The following EYA2 variants were observed in gnomAD, a reference collection of about 807,000 sequenced individuals.
The protein encoded by EYA2 is protein phosphatase EYA2.
EYA2 carries 31 observed loss-of-function variants against 69.2 expected under a neutral mutation model. The ratio of observed to expected loss-of-function variants is 0.45; its 90% confidence interval spans 0.34 to 0.60. EYA2 has a LOEUF of 0.60. Ranked by LOEUF, EYA2 falls within the 20% of genes least tolerant of loss-of-function variation. The pLI is 0.02. For synonymous variants in EYA2, 257 were observed against 279.4 expected, an observed-to-expected ratio of 0.92 and a Z score of 0.80; for missense variants, 622 against 701.2, an observed-to-expected ratio of 0.89 and a Z score of 1.28.
At chr20:46,976,109 C>A (rs1392966557) in intron 1 of EYA2, among the ~76,000 whole-genome samples, 1 of 152,154 alleles carries the variant, frequency 6.6e-6, no homozygotes, top group Non-Finnish European at 1.5e-5. Context: ...GCCTGTAATC[C>A]CTGCACCTCG....
At chr20:47,004,900 C>A (rs1365533308) in intron 3 of EYA2, 42 bp from the exon 4 acceptor site, 1 of 1,613,876 alleles carries the variant, frequency 6.2e-7, no homozygotes, top group Admixed American at 1.7e-5. Context: ...GAAGGGGTGC[C>A]AGACTGGGCC....
chr20:46,959,285 A>G (rs1979324066), intron 1 of EYA2, among the ~76,000 whole-genome samples: 1 of 152,192 alleles, frequency 6.6e-6, no homozygotes, highest in South Asian at 2.1e-4. Context: ...CCTTCCCCTT[A>G]GTTCAGAGTC....
chr20:47,077,818 A>G (rs2031570995), intron 7 of EYA2, among the ~76,000 whole-genome samples: 2 of 152,184 alleles, frequency 1.3e-5, no homozygotes, highest in Admixed American at 6.5e-5. Context: ...AAGTTTAACA[A>G]AGTTTTTCTC....
At chr20:47,042,292 A>G (rs1051414475) in intron 5 of EYA2, among the ~76,000 whole-genome samples, 1 of 152,178 alleles carries the variant, frequency 6.6e-6, no homozygotes, top group Non-Finnish European at 1.5e-5. Flanking sequence ...AGTTGGACCC[A>G]AGCCGTCTAA....
chr20:47,012,848 A>T (rs1191623361), intron 4 of EYA2, among the ~76,000 whole-genome samples: 1 of 152,192 alleles, frequency 6.6e-6, no homozygotes, highest in Admixed American at 6.5e-5. Context: ...ATGGCCTTAG[A>T]TGTCAGAACA....
intron 10 of EYA2, among the ~76,000 whole-genome samples, chr20:47,147,658 C>A (rs1181276648): frequency 6.6e-6 from 1 of 152,152 alleles, no homozygotes; most frequent in Non-Finnish European, 1.5e-5. Context: ...CTGCCTCTGG[C>A]TGCCTGGTGG....
chr20:47,127,698 C>T (rs2033232497), intron 9 of EYA2, among the ~76,000 whole-genome samples: 1 of 152,218 alleles, frequency 6.6e-6, no homozygotes, highest in African/African-American at 2.4e-5. Flanking sequence ...TCCCCAAGGG[C>T]TCAGAGCTGT....
At chr20:47,102,715 A>G (rs539521553) in intron 9 of EYA2, among the ~76,000 whole-genome samples, 1 of 152,048 alleles carries the variant, frequency 6.6e-6, no homozygotes, top group East Asian at 1.9e-4. Context: ...CTTCCTTTCC[A>G]TTTCTTCCTC....
chr20:47,090,599 A>G (rs2032054689), intron 8 of EYA2, among the ~76,000 whole-genome samples: 1 of 152,052 alleles, frequency 6.6e-6, no homozygotes. Context: ...GGATACATAC[A>G]GATAGTAAGA....
At chr20:47,001,395 A>G (rs749573033) in intron 2 of EYA2, 33 bp from the exon 3 acceptor site, 1 of 1,609,130 alleles carries the variant, frequency 6.2e-7, no homozygotes, top group East Asian at 2.2e-5. Flanking sequence ...CCTAATCGCT[A>G]AAACTCTTCC....
At chr20:47,157,157 C>T (rs1318151459) in intron 10 of EYA2, among the ~76,000 whole-genome samples, 2 of 151,536 alleles carry the variant, frequency 1.3e-5, no homozygotes, top group African/African-American at 2.4e-5. Flanking sequence ...GAGTTCGAGA[C>T]CAGACTGGCC....
rs535298146 is a variant in EYA2, at chr20:46,999,741, A to G, written c.110-1687A>G. Among the ~76,000 whole-genome samples the G allele has an allele frequency of 6.8e-4, 103 of 152,274 alleles. 1 individual carries two copies. Among genetic ancestry groups the G allele is most frequent in the African/African-American group, 2.5e-3 (102 of 41,542 alleles). On this transcript the variant is annotated intron_variant, in intron 2 of 15. Transcript: ENST00000327619. ...GCTCAGCCAGGGGGAGGGCATTAAG[A>G]GTGTTGACCTTGGACTCACACAGCT...
At chr20:47,123,723 G>A (rs6066208) in intron 9 of EYA2, among the ~76,000 whole-genome samples, 64,936 of 151,998 alleles carry the variant, frequency 0.43, 15,375 homozygotes, top group East Asian at 0.62. Context: ...GGGTACGGTG[G>A]CTCACGCCTG....
chr20:47,179,993 G>C (rs1383581444), intron 13 of EYA2, 81 bp downstream of exon 13: 1 of 961,972 alleles, frequency 1.0e-6, no homozygotes, highest in African/African-American at 1.6e-5. Flanking sequence ...GTCCACACTT[G>C]GGAGAATTGG....
intron 10 of EYA2, among the ~76,000 whole-genome samples, chr20:47,164,261 G>A (rs868405912): frequency 3.3e-5 from 5 of 152,286 alleles, no homozygotes; most frequent in Middle Eastern, 3.4e-3. Flanking sequence ...ATGAGGTAGC[G>A]TCTAGCTGAG....
intron 1 of EYA2, among the ~76,000 whole-genome samples, chr20:46,988,325 T>C (rs1367401017): frequency 6.6e-6 from 1 of 151,978 alleles, no homozygotes; most frequent in African/African-American, 2.4e-5. Context: ...TTTTTTTACA[T>C]GAATCATCTT....
intron 1 of EYA2, among the ~76,000 whole-genome samples, chr20:46,958,580 C>T (rs1254809688): frequency 2.0e-5 from 3 of 152,026 alleles, no homozygotes; most frequent in African/African-American, 7.3e-5. Flanking sequence ...TTCAGGGGTA[C>T]GTGTGCAGGT....
chr20:47,081,871 G>A (rs547283495), intron 7 of EYA2, among the ~76,000 whole-genome samples: 3 of 151,500 alleles, frequency 2.0e-5, no homozygotes, highest in South Asian at 2.1e-4. Context: ...ACAGAGTCTC[G>A]ATCTGTCGCC....
At chr20:47,067,122 G>C (rs1030795092) in intron 5 of EYA2, among the ~76,000 whole-genome samples, 1 of 152,212 alleles carries the variant, frequency 6.6e-6, no homozygotes, top group African/African-American at 2.4e-5. Flanking sequence ...GACTATTTTG[G>C]AGAAAGCATA....
Sources: allele counts gnomAD v4.1 joint callset (sites outside exome capture counted in the v4.1 genomes callset), GRCh38; gene constraint gnomAD v4.1.1; transcripts MANE v1.5; gene names NCBI Gene and HGNC (gene_info 2026-07-23, HGNC 2026-07-21).